Variants in AAMDC observed in about 807,000 individuals in gnomAD.
The protein encoded by AAMDC is mth938 domain-containing protein.
AAMDC carries 16 observed loss-of-function variants against 15.5 expected under a neutral mutation model. The ratio of observed to expected loss-of-function variants is 1.03; its 90% CI spans 0.70 to 1.57. AAMDC has a LOEUF of 1.57. Ranked by LOEUF, AAMDC falls within the 40% of genes most tolerant of loss-of-function variation. The pLI, the probability that AAMDC is intolerant of heterozygous loss-of-function variation, is 0.00. For synonymous variants in AAMDC, 51 were observed against 51.6 expected, an observed-to-expected ratio of 0.99 and a Z score of 0.05; for missense variants, 141 against 144.9, an observed-to-expected ratio of 0.97 and a Z score of 0.14.
At chr11:77,850,338 C>T (rs576300029) in intron 2 of AAMDC, among the ~76,000 whole-genome samples, 2 of 152,150 alleles carry the variant, frequency 1.3e-5, no homozygotes, top group Non-Finnish European at 2.9e-5. Context: ...TCCAGGGTCA[C>T]ATAACTAATA....
chr11:77,870,682 G>T (rs543519927), intron 3 of AAMDC, among the ~76,000 whole-genome samples: 51 of 152,052 alleles, frequency 3.4e-4, no homozygotes, highest in African/African-American at 1.2e-3. Flanking sequence ...CATTGTAAAA[G>T]ATTTAAAAAT....
intron 2 of AAMDC, among the ~76,000 whole-genome samples, chr11:77,860,756 G>A (rs1227511471): frequency 6.6e-6 from 1 of 152,176 alleles, no homozygotes; most frequent in Non-Finnish European, 1.5e-5. Context: ...GAGTCAGGAT[G>A]TACAGGGATG....
rs549968080 is a variant in AAMDC at position 77,896,962 on chromosome 11, G to A, written c.329-3609G>A. ...AAGGTTTGAGCATGAAAAATAAGCT[G>A]TAGGGAAGAGAACCAGACTGACATA... is the stretch of plus-strand genomic sequence containing the variant. On this transcript the variant is annotated intron_variant, in intron 5 of 5. Transcript: ENST00000304716. 8.2e-4 allele frequency among the ~76,000 whole-genome samples: 124 copies of A among 150,836 alleles called. 1 individual carries two copies. The highest frequency in any genetic ancestry group is 1.5e-3 in the Non-Finnish European group (101 of 68,018).
At chr11:77,876,910 G>A (rs1260546241), downstream of AAMDC, 4 of 700,132 alleles carry the variant, frequency 5.7e-6, no homozygotes, top group African/African-American at 3.5e-5. Context: ...CAGCACGATG[G>A]GCTCAGGCAG....
At position 77,866,374 on chromosome 11, in the gene AAMDC, G is replaced by C. The variant is rs527498053; in HGVS notation, c.133-3348G>C. ...ACACTCAATAGGAAGAAGAGCCTTA[G>C]TGATTTGCCCTGAGGGATTGGAAGC... On this transcript the variant is annotated intron_variant, in intron 2 of 3. Coordinates refer to ENST00000393427, the MANE Select transcript of AAMDC (RefSeq NM_024684.4). 1.2e-4 allele frequency: 18 copies of C among 152,376 alleles called. No homozygotes were observed. The East Asian group carries it at 3.5e-3, about 29-fold the overall frequency. The allele number at this position is 152,376 out of a possible 1,614,324, so 9.4% of individuals were successfully genotyped here.
In AAMDC at chr11:77,897,807, A is replaced by G. The variant is rs569329492; in HGVS notation, c.329-2764A>G. On this transcript the variant is annotated intron_variant, in intron 5 of 5. Coordinates refer to the AAMDC transcript ENST00000304716. ...GGCGTTAGCCACCGCACCCAGCCAT[A>G]TTATTGTTATTATTTTTAAGACATA... 2.6e-5 allele frequency among the ~76,000 whole-genome samples: 4 copies of G among 151,608 alleles called. No individual in the cohort carries two copies. In the East Asian group the frequency reaches 7.8e-4, roughly 29 times the overall value.
chr11:77,862,192 C>A (rs1446499933), intron 2 of AAMDC, among the ~76,000 whole-genome samples: 4 of 152,164 alleles, frequency 2.6e-5, no homozygotes, highest in Non-Finnish European at 4.4e-5. Context: ...TGCCTGCTGG[C>A]CTGTGGGGAA....
chr11:77,885,691 T>C (rs1951975150), intron 5 of AAMDC, among the ~76,000 whole-genome samples: 1 of 151,962 alleles, frequency 6.6e-6, no homozygotes, highest in Non-Finnish European at 1.5e-5. Flanking sequence ...TGGTGGCGTG[T>C]GCCTGTAGTC....
chr11:77,903,093 G>GA (rs1451204534), downstream of AAMDC, among the ~76,000 whole-genome samples: 1 of 152,118 alleles, frequency 6.6e-6, no homozygotes. Flanking sequence ...TTATAGAAGA[G>GA]AAAAAATCCA....
chr11:77,821,242 G>C lies in AAMDC; in HGVS notation c.-19+1G>C, dbSNP rs1948882898. On this transcript the variant is annotated splice_donor_variant, in intron 1 of 3. Transcript: ENST00000393427. LOFTEE classifies it low-confidence loss of function (5UTR_SPLICE). ...CAACTTTGAGGAGACAGTGCGGTGG[G>C]TGAGTTTGCGGGGGAATCCTGAAAC... 4.0e-6 allele frequency: 1 copy of C among 248,652 alleles called. No homozygotes were observed. Among genetic ancestry groups the C allele is most frequent in the Non-Finnish European group, 7.7e-6 (1 of 130,594 alleles). The allele number at this position is 248,652 out of a possible 1,614,324, so 15.4% of individuals were successfully genotyped here.
chr11:77,824,969 A>C (rs1204934358), intron 1 of AAMDC, among the ~76,000 whole-genome samples: 3 of 151,902 alleles, frequency 2.0e-5, no homozygotes, highest in African/African-American at 7.3e-5. Flanking sequence ...TTTGTTACAT[A>C]GTTTTTTTGT....
At chr11:77,885,163 C>T (rs933218985) in intron 5 of AAMDC, among the ~76,000 whole-genome samples, 7 of 151,854 alleles carry the variant, frequency 4.6e-5, no homozygotes, top group African/African-American at 1.7e-4. Context: ...CTGCAACCTC[C>T]GCCTCCCGGG....
chr11:77,872,636 G>A (rs191667202), downstream of AAMDC, among the ~76,000 whole-genome samples: 1 of 152,268 alleles, frequency 6.6e-6, no homozygotes, highest in East Asian at 1.9e-4. Flanking sequence ...GAGCCAGATT[G>A]TTCTCTCTGG....
chr11:77,848,973 T>G (rs957787774), intron 2 of AAMDC, among the ~76,000 whole-genome samples: 2 of 151,912 alleles, frequency 1.3e-5, no homozygotes, highest in African/African-American at 2.4e-5. Context: ...TTTTATTTTT[T>G]GTAGAGACAG....
At chr11:77,903,597 A>G (rs749756740), downstream of AAMDC, 16 of 1,613,860 alleles carry the variant, frequency 9.9e-6, no homozygotes, top group South Asian at 9.9e-5. Context: ...GGGCAGCTAC[A>G]TTCCACAACT....
intron 1 of AAMDC, among the ~76,000 whole-genome samples, chr11:77,838,851 C>T (rs955921105): frequency 2.6e-5 from 4 of 152,000 alleles, no homozygotes; most frequent in East Asian, 1.9e-4. Flanking sequence ...CTCCTGACCT[C>T]GTGATCCGCC....
At chr11:77,881,999 C>A (rs1259212983) in intron 5 of AAMDC, among the ~76,000 whole-genome samples, 1 of 151,800 alleles carries the variant, frequency 6.6e-6, no homozygotes, top group Admixed American at 6.6e-5. Context: ...GCAGCCTTGA[C>A]CCCCCAGACT....
At chr11:77,827,903 G>A (rs202057889) in intron 1 of AAMDC, among the ~76,000 whole-genome samples, 19,570 of 152,108 alleles carry the variant, frequency 0.13, 1,442 homozygotes, top group Admixed American at 0.19. Context: ...AGAACAAATA[G>A]GCAAGCACAT....
At chr11:77,878,767 T>C (rs1177949076) in intron 5 of AAMDC, 1 of 692,642 alleles carries the variant, frequency 1.4e-6, no homozygotes, top group African/African-American at 1.8e-5. Flanking sequence ...GTAAGTAGAC[T>C]TGAAGGTTTT....
Sources: gnomAD v4.1 joint callset for allele counts (sites outside exome capture counted in the v4.1 genomes callset) on GRCh38, gnomAD v4.1.1 for gene constraint, MANE v1.5 for transcripts, NCBI Gene and HGNC (gene_info 2026-07-23, HGNC 2026-07-21) for gene names.